Variants in SPIRE1 observed in about 807,000 individuals in gnomAD.
SPIRE1 encodes the protein spire type actin nucleation factor 1.
Under a neutral mutation model 94.1 loss-of-function variants are expected in SPIRE1, and 40 were observed. The ratio of observed to expected loss-of-function variants is 0.43; its 90% CI spans 0.33 to 0.55. The LOEUF (loss-of-function observed/expected upper bound fraction) is 0.55. Ranked by LOEUF, SPIRE1 falls within the 20% of genes least tolerant of loss-of-function variation. The probability of loss-of-function intolerance (pLI) is 0.06; values close to 1 mark genes in which losing one functional copy is unlikely to be tolerated. For missense variants in SPIRE1, 838 were observed against 975.2 expected (o/e 0.86, Z 1.87); for synonymous variants, 376 against 371.7 (o/e 1.01, Z -0.13).
At chr18:12,516,425 T>C (rs995089829) in intron 4 of SPIRE1, among the ~76,000 whole-genome samples, 12 of 152,090 alleles carry the variant, frequency 7.9e-5, no homozygotes, top group African/African-American at 1.7e-4. Flanking sequence ...AGTGTGAGAA[T>C]AGGGCTGCAG....
chr18:12,622,754 A>G (rs1376527617), intron 2 of SPIRE1, among the ~76,000 whole-genome samples: 1 of 152,122 alleles, frequency 6.6e-6, no homozygotes. Context: ...CATGACCTGT[A>G]ATACTTGGCA....
At chr18:12,603,326 T>C (rs1394171061) in intron 2 of SPIRE1, among the ~76,000 whole-genome samples, 1 of 152,192 alleles carries the variant, frequency 6.6e-6, no homozygotes, top group Non-Finnish European at 1.5e-5. Context: ...TGGGGAAATG[T>C]GATATTTTGA....
chr18:12,497,509 G>A (rs2033500789), intron 6 of SPIRE1, among the ~76,000 whole-genome samples: 1 of 152,118 alleles, frequency 6.6e-6, no homozygotes, highest in Non-Finnish European at 1.5e-5. Flanking sequence ...TGTGTGGCAA[G>A]CCTGCTGGGG....
chr18:12,659,476 G>T (rs543170938), upstream of SPIRE1, among the ~76,000 whole-genome samples: 1 of 152,100 alleles, frequency 6.6e-6, no homozygotes, highest in African/African-American at 2.4e-5. Context: ...AGACCAGCCT[G>T]GCCAACATGG....
At chr18:12,645,762 A>G (rs779940875) in intron 1 of SPIRE1, among the ~76,000 whole-genome samples, 16 of 152,176 alleles carry the variant, frequency 1.1e-4, no homozygotes, top group Non-Finnish European at 1.8e-4. Flanking sequence ...TTTCCTGCTT[A>G]AAACCCTTCC....
intron 2 of SPIRE1, among the ~76,000 whole-genome samples, chr18:12,615,335 A>ATAAAAAT (rs2037258109): frequency 2.5e-5 from 1 of 39,900 alleles, no homozygotes; most frequent in African/African-American, 5.6e-5. Flanking sequence ...CTCAAAAAAA[A>ATAAAAAT]AAAAAAAAAA....
At chr18:12,509,906 G>A (rs1465923231) in intron 5 of SPIRE1, among the ~76,000 whole-genome samples, 2 of 152,128 alleles carry the variant, frequency 1.3e-5, no homozygotes, top group Admixed American at 6.5e-5. Context: ...CCAACATGGT[G>A]AAACCCTGTC....
At chr18:12,648,760 G>A (rs139027949) in intron 1 of SPIRE1, among the ~76,000 whole-genome samples, 1 of 151,748 alleles carries the variant, frequency 6.6e-6, no homozygotes, top group Non-Finnish European at 1.5e-5. Context: ...GTGGTGGCAG[G>A]TGCCTGTAAA....
intron 16 of SPIRE1, among the ~76,000 whole-genome samples, chr18:12,451,600 A>G (rs535074073): frequency 2.1e-4 from 32 of 152,308 alleles, no homozygotes; most frequent in Admixed American, 1.8e-3. Flanking sequence ...CACAAGGTTC[A>G]TGCTGGGCTC....
chr18:12,574,674 T>A (rs532369504), intron 2 of SPIRE1, among the ~76,000 whole-genome samples: 1 of 152,162 alleles, frequency 6.6e-6, no homozygotes, highest in Non-Finnish European at 1.5e-5. Context: ...TGGCATGTCA[T>A]TGGTTACTGA....
intron 4 of SPIRE1, among the ~76,000 whole-genome samples, chr18:12,523,970 T>C (rs546905003): frequency 2.0e-5 from 3 of 152,354 alleles, no homozygotes; most frequent in East Asian, 1.9e-4. Context: ...TGTAATGCTA[T>C]TGCACATTTA....
chr18:12,559,390 C>T lies in SPIRE1; in HGVS notation c.373-12486G>A, dbSNP rs1307666916. On this transcript the variant is annotated intron_variant, in intron 2 of 16. Coordinates refer to ENST00000409402, the MANE Select transcript of SPIRE1 (RefSeq NM_001128626.2). The surrounding 1 kb of genome is among the most constrained non-coding windows in gnomAD (Gnocchi z 4.7). ...CCAGCCGGCAGCTCTGAGTGCTGGC[C>T]GGGCGAGACTGCACCCACCCGGAAC... is the stretch of plus-strand genomic sequence containing the variant. Among the ~76,000 whole-genome samples, 10 of 152,144 alleles carry T rather than the reference C, an allele frequency of 6.6e-5. No homozygotes were observed. In the South Asian group the frequency reaches 8.3e-4, roughly 13 times the overall value.
At position 12,512,484 on chromosome 18, in the gene SPIRE1, T is replaced by C; in HGVS notation, c.777A>G (p.Thr259=). The C allele has an allele frequency of 6.2e-7, 1 of 1,613,100 alleles. No homozygotes were observed. The highest frequency in any genetic ancestry group is 8.5e-7 in the Non-Finnish European group (1 of 1,179,330). ...CAGCGTTTTTCAGCTCTTCCAAGTC[T>C]GTGCTAGATTCATCGCTCTTTTCCA... ...QEMEKSDESS[T]DLEELKNADW... The change falls in exon 5 of 17, where the codon ACA becomes ACG. Residue 259 remains threonine (T), a synonymous_variant. Transcript: ENST00000409402.
At chr18:12,556,604 A>G (rs1159766462) in intron 2 of SPIRE1, among the ~76,000 whole-genome samples, 1 of 152,106 alleles carries the variant, frequency 6.6e-6, no homozygotes, top group Non-Finnish European at 1.5e-5. Flanking sequence ...TGGCTTCAGG[A>G]GTGAAGCTGC....
At position 12,559,505 on chromosome 18, in the gene SPIRE1, C is replaced by T. The variant is rs554549745; in HGVS notation, c.373-12601G>A. 1.2e-4 allele frequency among the ~76,000 whole-genome samples: 18 copies of T among 152,322 alleles called. No homozygotes were observed. In the South Asian group the frequency reaches 2.7e-3, roughly 23 times the overall value. On this transcript the variant is annotated intron_variant, in intron 2 of 16. Coordinates refer to ENST00000409402, the MANE Select transcript of SPIRE1 (RefSeq NM_001128626.2). This position sits in a 1 kb window ranked among gnomAD's most constrained non-coding sequence, Gnocchi z 4.7. ...CCCTGCAAGCAGAGGGAGCCGGCTCCGGCTTTGGCCAGCCCAGAGAGGGGC... is the reference window on the plus strand; with the variant it reads ...CCCTGCAAGCAGAGGGAGCCGGCTCTGGCTTTGGCCAGCCCAGAGAGGGGC...
At chr18:12,646,582 T>C (rs945637886) in intron 1 of SPIRE1, among the ~76,000 whole-genome samples, 1 of 152,156 alleles carries the variant, frequency 6.6e-6, no homozygotes, top group Non-Finnish European at 1.5e-5. Flanking sequence ...ATAGGGATTG[T>C]TAGTGACATT....
Position 12,657,919 on chromosome 18 carries a change from A to G in SPIRE1, c.-53T>C. On this transcript the variant is annotated 5_prime_UTR_variant, in exon 1 of 17. It removes the in-frame stop codon of an upstream open reading frame in the 5' UTR. Coordinates refer to ENST00000409402, the MANE Select transcript of SPIRE1 (RefSeq NM_001128626.2). The stretch of plus-strand genomic sequence containing the variant: ...TCGCGCCGTGTGCCGGCGTCTCCTC[A>G]GCTCCGGAGCATCGTCGTCGCGCGC... 9.8e-7 allele frequency: 1 copy of G among 1,021,076 alleles called. No individual in the cohort carries two copies. The highest frequency in any genetic ancestry group is 1.2e-6 in the Non-Finnish European group (1 of 855,708). The allele number at this position is 1,021,076 out of a possible 1,614,324, so 63.3% of individuals were successfully genotyped here. A position where few individuals can be genotyped will look rare whatever the true frequency, so the allele number is the denominator to read the frequency against.
intron 2 of SPIRE1, among the ~76,000 whole-genome samples, chr18:12,597,157 T>TACACACACACACACAC (rs58238813): frequency 2.2e-4 from 32 of 144,204 alleles, no homozygotes; most frequent in Admixed American, 1.4e-3. Flanking sequence ...TGTCTCTTTC[T>TACACACACACACACAC]ACACACACAC....
Position 12,514,050 on chromosome 18 carries a change from T to G in SPIRE1, c.730-1519A>C, listed in dbSNP as rs147860711. 1.6e-4 allele frequency among the ~76,000 whole-genome samples: 25 copies of G among 152,114 alleles called. No homozygotes were observed. The East Asian group carries it at 4.6e-3, about 28-fold the overall frequency. On this transcript the variant is annotated intron_variant, in intron 4 of 16. Coordinates refer to ENST00000409402, the MANE Select transcript of SPIRE1 (RefSeq NM_001128626.2). ...ACAGATAGGGTCTCACTATATTGCC[T>G]GGGCTGGTGTCGAACTCGTCAGCTT...
Sources: allele counts gnomAD v4.1 joint callset (sites outside exome capture counted in the v4.1 genomes callset), GRCh38; gene constraint gnomAD v4.1.1; non-coding constraint Gnocchi (gnomAD v3.1); transcripts MANE v1.5; gene names NCBI Gene and HGNC (gene_info 2026-07-23, HGNC 2026-07-21).